The following INPP4B variants were observed in gnomAD, a reference collection of about 807,000 sequenced individuals.
INPP4B encodes inositol polyphosphate-4-phosphatase type II B.
Under a neutral mutation model 122.5 loss-of-function variants are expected in INPP4B, and 55 were observed. The observed-to-expected ratio is 0.45, with a 90% CI of 0.36 to 0.56. The LOEUF (loss-of-function observed/expected upper bound fraction) is 0.56, where lower values mean the gene tolerates loss of function less well. Among genes scored for constraint, INPP4B ranks in the 20% least tolerant of loss-of-function variants. The pLI is 0.00. For synonymous variants in INPP4B, 403 were observed against 388.7 expected, an observed-to-expected ratio of 1.04 and a Z score of -0.43; for missense variants, 1,000 against 1,097.7, an observed-to-expected ratio of 0.91 and a Z score of 1.26.
At chr4:142,555,534 C>T (rs1214161921) in intron 2 of INPP4B, among the ~76,000 whole-genome samples, 2 of 152,082 alleles carry the variant, frequency 1.3e-5, no homozygotes, top group South Asian at 4.1e-4. Context: ...CCAGAGCTAA[C>T]TTTCATAGGG....
At chr4:142,405,058 C>G in intron 6 of INPP4B, 148 bp downstream of exon 6, 1 of 577,252 alleles carries the variant, frequency 1.7e-6, no homozygotes, top group Non-Finnish European at 3.1e-6. Flanking sequence ...TGCAGCATTG[C>G]TACAGACTAT....
intron 9 of INPP4B, among the ~76,000 whole-genome samples, chr4:142,278,825 C>A (rs898001101): frequency 1.3e-5 from 2 of 151,858 alleles, no homozygotes; most frequent in African/African-American, 4.8e-5. Flanking sequence ...ATGGAAAGAT[C>A]TGATACTGAA....
intron 2 of INPP4B, among the ~76,000 whole-genome samples, chr4:142,498,367 CA>C (rs1822924513): frequency 1.3e-5 from 2 of 151,848 alleles, no homozygotes; most frequent in Non-Finnish European, 2.9e-5. Flanking sequence ...TCATTTACCA[CA>C]AAGCACTGTG....
intron 25 of INPP4B, among the ~76,000 whole-genome samples, chr4:142,046,475 G>C (rs1252521089): frequency 2.0e-5 from 3 of 152,054 alleles, no homozygotes; most frequent in Non-Finnish European, 4.4e-5. Context: ...TATGAATGTA[G>C]TACAGTTGAA....
intron 2 of INPP4B, among the ~76,000 whole-genome samples, chr4:142,516,771 T>G (rs1825467761): frequency 6.6e-6 from 1 of 152,000 alleles, no homozygotes. Flanking sequence ...TTTTGTTTTT[T>G]TTTTTCCCCC....
At position 142,532,154 on chromosome 4, in the gene INPP4B, C is replaced by T. The variant is rs140370802; in HGVS notation, c.-190-69428G>A. On this transcript the variant is annotated intron_variant, in intron 2 of 25. Coordinates refer to ENST00000262992, the MANE Select transcript of INPP4B (RefSeq NM_001101669.3). The stretch of plus-strand genomic sequence containing the variant: ...ACGCAAATCAGGTAACATTTCCCTC[C>T]GCTTAAACACTTTCAAAGGATTCCA... 6.4e-3 allele frequency among the ~76,000 whole-genome samples: 969 copies of T among 152,212 alleles called. 24 individuals carry two copies. Among genetic ancestry groups the T allele is most frequent in the Admixed American group, 0.032 (483 of 15,272 alleles).
At chr4:142,503,183 A>G (rs1315611041) in intron 2 of INPP4B, among the ~76,000 whole-genome samples, 1 of 152,128 alleles carries the variant, frequency 6.6e-6, no homozygotes, top group East Asian at 1.9e-4. Flanking sequence ...TACTCTAACC[A>G]AACAACCAAA....
At chr4:142,714,191 C>A (rs1763473657) in intron 2 of INPP4B, among the ~76,000 whole-genome samples, 1 of 152,138 alleles carries the variant, frequency 6.6e-6, no homozygotes, top group Non-Finnish European at 1.5e-5. Context: ...AAAGGTTCAT[C>A]ACATGGGTCA....
At position 142,386,574 on chromosome 4, in the gene INPP4B, C is replaced by T. The variant is rs552441663; in HGVS notation, c.372+16364G>A. On this transcript the variant is annotated intron_variant, in intron 7 of 25. Coordinates refer to ENST00000262992, the MANE Select transcript of INPP4B (RefSeq NM_001101669.3). ...CCAATCCCAGCAGCAATACTTCAAC[C>T]ACTTGAACACTGCTGAGTGTTCAAA... Among the ~76,000 whole-genome samples, 10 of 152,290 alleles carry T rather than the reference C, an allele frequency of 6.6e-5. No homozygotes were observed. In the East Asian group the frequency reaches 1.9e-3, roughly 29 times the overall value.
At chr4:142,034,001 T>G (rs558627178) in intron 25 of INPP4B, among the ~76,000 whole-genome samples, 51 of 152,236 alleles carry the variant, frequency 3.4e-4, no homozygotes, top group Middle Eastern at 3.4e-3. Flanking sequence ...GATACTCTAC[T>G]TATCAGGCCA....
intron 1 of INPP4B, among the ~76,000 whole-genome samples, chr4:142,749,640 TG>T (rs1253605025): frequency 6.6e-6 from 1 of 152,000 alleles, no homozygotes; most frequent in East Asian, 1.9e-4. Flanking sequence ...TCCACCTTGC[TG>T]TATAAGATAA....
intron 1 of INPP4B, among the ~76,000 whole-genome samples, chr4:142,769,550 T>A (rs112915407): frequency 6.6e-6 from 1 of 152,216 alleles, no homozygotes; most frequent in Admixed American, 6.5e-5. Context: ...ATTAACGTTA[T>A]GTCTGAAATT....
At chr4:142,338,498 A>G (rs1777611771) in intron 7 of INPP4B, among the ~76,000 whole-genome samples, 1 of 152,146 alleles carries the variant, frequency 6.6e-6, no homozygotes, top group South Asian at 2.1e-4. Context: ...TCGGCCTCCC[A>G]AAGTGCTGGG....
chr4:142,647,061 C>T (rs193108527), intron 2 of INPP4B, among the ~76,000 whole-genome samples: 49 of 151,792 alleles, frequency 3.2e-4, no homozygotes, highest in African/African-American at 1.0e-3. Flanking sequence ...AAATCTTGGG[C>T]CTAAATAAGG....
At chr4:142,779,899 G>C (rs1429674735) in intron 1 of INPP4B, among the ~76,000 whole-genome samples, 1 of 152,086 alleles carries the variant, frequency 6.6e-6, no homozygotes, top group Non-Finnish European at 1.5e-5. Context: ...TGTGGTTGAA[G>C]AGAGTCACAG....
chr4:142,065,877 A>G (rs1763262808), intron 25 of INPP4B, among the ~76,000 whole-genome samples: 1 of 152,186 alleles, frequency 6.6e-6, no homozygotes, highest in African/African-American at 2.4e-5. Flanking sequence ...GGGGTGAGGT[A>G]TAAGGGAAGG....
At chr4:142,682,552 C>T (rs943468880) in intron 2 of INPP4B, among the ~76,000 whole-genome samples, 5 of 151,784 alleles carry the variant, frequency 3.3e-5, no homozygotes, top group African/African-American at 1.2e-4. Context: ...AATAGCATTG[C>T]TAATTCACCA....
intron 25 of INPP4B, among the ~76,000 whole-genome samples, chr4:142,034,492 C>G (rs1421974539): frequency 6.6e-6 from 1 of 152,042 alleles, no homozygotes; most frequent in Non-Finnish European, 1.5e-5. Flanking sequence ...TCTCCTGTCT[C>G]CATCAGGAAT....
At position 142,777,706 on chromosome 4, in the gene INPP4B, C is replaced by T. The variant is rs763403557; in HGVS notation, c.-253-51805G>A. On this transcript the variant is annotated intron_variant, in intron 1 of 25. Coordinates refer to ENST00000262992, the MANE Select transcript of INPP4B (RefSeq NM_001101669.3). ...CCCAGAAACTACTTACACAATCATA[C>T]GAGGCAATGATTCTTCTTCTGAGGG... Among the ~76,000 whole-genome samples, 61 of 152,156 alleles carry T rather than the reference C, an allele frequency of 4.0e-4. 1 individual carries two copies. Among genetic ancestry groups the T allele is most frequent in the Non-Finnish European group, 7.6e-4 (52 of 68,028 alleles).
Sources: allele counts gnomAD v4.1 joint callset (sites outside exome capture counted in the v4.1 genomes callset), GRCh38; gene constraint gnomAD v4.1.1; transcripts MANE v1.5; gene names NCBI Gene and HGNC (gene_info 2026-07-23, HGNC 2026-07-21).